The following RSRC1 variants were observed in gnomAD, a reference collection of about 807,000 sequenced individuals.
RSRC1 encodes arginine and serine rich coiled-coil 1, also known as serine/Arginine-related protein 53.
In RSRC1, 39 loss-of-function variants were observed where a neutral mutation model predicts 49.1. The observed-to-expected ratio is 0.79, with a 90% CI of 0.61 to 1.04. The LOEUF (loss-of-function observed/expected upper bound fraction) is 1.04. Among genes scored for constraint, RSRC1 ranks in the 50% least tolerant of loss-of-function variants. RSRC1 has a pLI of 0.00. For missense variants in RSRC1, 388 were observed against 402.4 expected, an observed-to-expected ratio of 0.96 and a Z score of 0.31; for synonymous variants, 143 against 130.8, an observed-to-expected ratio of 1.09 and a Z score of -0.63.
At chr3:158,129,272 G>A (rs1715832717) in intron 3 of RSRC1, among the ~76,000 whole-genome samples, 1 of 146,588 alleles carries the variant, frequency 6.8e-6, no homozygotes, top group Non-Finnish European at 1.5e-5. Context: ...GGAGATCTAG[G>A]AACATTTCTT....
chr3:158,231,018 T>G (rs1301653474), intron 4 of RSRC1, among the ~76,000 whole-genome samples: 1 of 152,224 alleles, frequency 6.6e-6, no homozygotes, highest in Admixed American at 6.5e-5. Context: ...AAAATTCCAG[T>G]CTCCTTTAGA....
At chr3:158,394,490 A>G (rs184466967) in intron 6 of RSRC1, among the ~76,000 whole-genome samples, 258 of 152,212 alleles carry the variant, frequency 1.7e-3, no homozygotes, top group African/African-American at 5.2e-3. Flanking sequence ...AGTTTCAGCA[A>G]ACTTCCAGGA....
intron 7 of RSRC1, among the ~76,000 whole-genome samples, chr3:158,476,323 G>A (rs1738365861): frequency 6.6e-6 from 1 of 152,176 alleles, no homozygotes; most frequent in Admixed American, 6.6e-5. Context: ...GATGAAGGCA[G>A]CTATGCTAAA....
intron 7 of RSRC1, among the ~76,000 whole-genome samples, chr3:158,534,038 A>G (rs576538826): frequency 2.0e-5 from 3 of 151,664 alleles, no homozygotes; most frequent in South Asian, 4.1e-4. Flanking sequence ...GCTTGGTTTT[A>G]TTATGTGGGA....
At chr3:158,402,124 A>C (rs1250566395) in intron 6 of RSRC1, among the ~76,000 whole-genome samples, 2 of 151,894 alleles carry the variant, frequency 1.3e-5, no homozygotes, top group Non-Finnish European at 2.9e-5. Flanking sequence ...GGTTAGCAGA[A>C]TCTACCTTGA....
intron 5 of RSRC1, among the ~76,000 whole-genome samples, chr3:158,321,506 G>C (rs1728759015): frequency 6.6e-6 from 1 of 150,534 alleles, no homozygotes; most frequent in African/African-American, 2.4e-5. Context: ...AAAGGAAAAA[G>C]TTAATTTTAA....
intron 1 of RSRC1, among the ~76,000 whole-genome samples, chr3:158,113,682 A>T (rs1300429427): frequency 2.0e-5 from 3 of 152,070 alleles, no homozygotes; most frequent in Non-Finnish European, 4.4e-5. Context: ...TTGACTTCTT[A>T]ATAATTGCAT....
intron 4 of RSRC1, among the ~76,000 whole-genome samples, chr3:158,208,639 A>G (rs763682397): frequency 1.4e-4 from 21 of 152,222 alleles, no homozygotes; most frequent in Non-Finnish European, 2.5e-4. Flanking sequence ...CCAAAGCACT[A>G]GGATTACAGG....
intron 3 of RSRC1, among the ~76,000 whole-genome samples, chr3:158,135,345 C>T (rs892107667): frequency 6.6e-6 from 1 of 151,366 alleles, no homozygotes; most frequent in Non-Finnish European, 1.5e-5. Context: ...CCTCGGCTCA[C>T]TACAACCTTC....
chr3:158,333,071 C>T (rs1408080019), intron 5 of RSRC1, among the ~76,000 whole-genome samples: 1 of 151,850 alleles, frequency 6.6e-6, no homozygotes, highest in East Asian at 1.9e-4. Flanking sequence ...CGGGTTCACG[C>T]CATTCGCCTG....
chr3:158,376,325 A>C (rs1165566139), intron 6 of RSRC1, among the ~76,000 whole-genome samples: 1 of 150,732 alleles, frequency 6.6e-6, no homozygotes, highest in African/African-American at 2.4e-5. Flanking sequence ...ACTCCTGGCT[A>C]ATTTTTGTAA....
intron 5 of RSRC1, among the ~76,000 whole-genome samples, chr3:158,305,334 T>A (rs902503980): frequency 7.9e-5 from 12 of 152,142 alleles, no homozygotes; most frequent in Admixed American, 2.0e-4. Context: ...AGATAACTTT[T>A]TTGACTTTTA....
chr3:158,178,340 A>G (rs940915628), intron 3 of RSRC1, among the ~76,000 whole-genome samples: 5 of 152,054 alleles, frequency 3.3e-5, no homozygotes, highest in South Asian at 2.1e-4. Flanking sequence ...GGGTTTCACC[A>G]TGTTGGCCAG....
intron 4 of RSRC1, among the ~76,000 whole-genome samples, chr3:158,227,309 C>G (rs1722582304): frequency 6.6e-6 from 1 of 151,886 alleles, no homozygotes; most frequent in South Asian, 2.1e-4. Flanking sequence ...TCCCTCTGCC[C>G]CCAAGATTAG....
At chr3:158,403,831 T>C (rs1734012118) in intron 6 of RSRC1, among the ~76,000 whole-genome samples, 1 of 151,752 alleles carries the variant, frequency 6.6e-6, no homozygotes, top group African/African-American at 2.4e-5. Context: ...TAGCAATTCG[T>C]TATATAAACT....
chr3:158,182,113 A>T (rs1350767299), intron 3 of RSRC1, among the ~76,000 whole-genome samples: 3 of 152,114 alleles, frequency 2.0e-5, no homozygotes, highest in African/African-American at 4.8e-5. Context: ...GTTTAACAGG[A>T]TAGAACAGTT....
intron 4 of RSRC1, among the ~76,000 whole-genome samples, chr3:158,252,745 A>T (rs188543710): frequency 6.6e-6 from 1 of 152,196 alleles, no homozygotes; most frequent in African/African-American, 2.4e-5. Flanking sequence ...ACTTTTTATT[A>T]TGATTTTGAT....
At chr3:158,286,174 T>C (rs554500337) in intron 4 of RSRC1, among the ~76,000 whole-genome samples, 1 of 152,336 alleles carries the variant, frequency 6.6e-6, no homozygotes, top group South Asian at 2.1e-4. Flanking sequence ...TCCTCCCTAA[T>C]CATGTTTCCA....
intron 6 of RSRC1, among the ~76,000 whole-genome samples, chr3:158,426,162 G>A (rs1045582055): frequency 4.0e-5 from 6 of 151,652 alleles, no homozygotes; most frequent in Non-Finnish European, 8.9e-5. Context: ...TTGTGATCTA[G>A]GGATAGGGAA....
Sources: allele counts gnomAD v4.1 joint callset (sites outside exome capture counted in the v4.1 genomes callset), GRCh38; gene constraint gnomAD v4.1.1; transcripts MANE v1.5; gene names NCBI Gene and HGNC (gene_info 2026-07-23, HGNC 2026-07-21).